Variants in ZBTB10 observed in about 807,000 individuals in gnomAD.
ZBTB10 encodes zinc finger and BTB domain containing 10.
A neutral mutation model predicts 76.4 loss-of-function variants in ZBTB10; 32 were observed. The observed-to-expected ratio is 0.42, with a 90% CI of 0.32 to 0.56. The LOEUF is 0.56. Ranked by LOEUF, ZBTB10 falls within the 20% of genes least tolerant of loss-of-function variation. The pLI, the probability that ZBTB10 is intolerant of heterozygous loss-of-function variation, is 0.14. For synonymous variants in ZBTB10, 523 were observed against 432.9 expected, an observed-to-expected ratio of 1.21 and a Z score of -2.58; for missense variants, 1,057 against 1,098.5, an observed-to-expected ratio of 0.96 and a Z score of 0.53.
intron 1 of ZBTB10, among the ~76,000 whole-genome samples, chr8:80,496,005 T>A (rs1034641132): frequency 6.6e-6 from 1 of 152,224 alleles, no homozygotes; most frequent in African/African-American, 2.4e-5. Flanking sequence ...TTTTCCTTTT[T>A]GGGAGAGAGG....
chr8:80,487,345 T>G lies in ZBTB10; in HGVS notation c.535T>G (p.Ser179Ala). Residue 179 changes from serine to alanine, a missense_variant, in exon 1 of 6, where the codon TCC becomes GCC. Coordinates refer to ENST00000455036, the MANE Select transcript of ZBTB10 (RefSeq NM_001105539.3). ...GAAGGAGTTGATGCAGGACGGCGCG[T>G]CCCTGAGCGACAGCACCGAGGACGA... is the stretch of plus-strand genomic sequence containing the variant. ...EGKELMQDGA[S>A]LSDSTEDEEE... is the part of the protein sequence containing the mutation. The G allele has an allele frequency of 6.5e-7, 1 of 1,530,264 alleles. No homozygotes were observed. The allele number at this position is 1,530,264 out of a possible 1,614,324, so 94.8% of individuals were successfully genotyped here.
Position 80,525,197 on chromosome 8 carries a change from G to T in ZBTB10, c.*5669G>T, listed in dbSNP as rs1816537135. 1 of 152,038 alleles carries T rather than the reference G, an allele frequency of 6.6e-6. No homozygotes were observed. Among genetic ancestry groups the T allele is most frequent in the East Asian group, 1.9e-4 (1 of 5,196 alleles). 9.4% of individuals were successfully genotyped at this position (152,038 alleles called of 1,614,324 possible). ...GCAGGTGTAGGAAATTGAATTATTG[G>T]ATCTATGTTTAGGTAAGAAAACTAA... On this transcript the variant is annotated 3_prime_UTR_variant, in exon 6 of 6. Transcript: ENST00000455036.
upstream of ZBTB10, chr8:80,485,932 G>A (rs903038610): frequency 6.6e-7 from 1 of 1,514,860 alleles, no homozygotes; most frequent in Non-Finnish European, 8.9e-7. Flanking sequence ...CTCGCCAGCT[G>A]TTTGTCCTCC....
chr8:80,517,274 A>G (rs767956955), intron 3 of ZBTB10, among the ~76,000 whole-genome samples: 1 of 152,202 alleles, frequency 6.6e-6, no homozygotes, highest in East Asian at 1.9e-4. Flanking sequence ...TTTGGTGGCT[A>G]CTGAAGACAG....
chr8:80,517,342 C>A (rs1244103230), intron 3 of ZBTB10, among the ~76,000 whole-genome samples: 1 of 152,130 alleles, frequency 6.6e-6, no homozygotes, highest in African/African-American at 2.4e-5. Flanking sequence ...GTGGAAGATT[C>A]TGGATATATA....
intron 2 of ZBTB10, among the ~76,000 whole-genome samples, chr8:80,504,691 C>T (rs1816007371): frequency 6.6e-6 from 1 of 152,070 alleles, no homozygotes; most frequent in Non-Finnish European, 1.5e-5. Flanking sequence ...AAACTGTCAG[C>T]AAAAACTAAA....
chr8:80,498,005 C>T (rs1263165829), intron 1 of ZBTB10, among the ~76,000 whole-genome samples: 2 of 152,090 alleles, frequency 1.3e-5, no homozygotes, highest in Admixed American at 1.3e-4. Context: ...ACTTCTCATA[C>T]CTGGGAGCAG....
chr8:80,493,195 G>GCGCGCGCGCA (rs1554551211), intron 1 of ZBTB10, among the ~76,000 whole-genome samples: 115 of 109,158 alleles, frequency 1.1e-3, no homozygotes, highest in Non-Finnish European at 1.1e-3. Flanking sequence ...GCCTCAAAAC[G>GCGCGCGCGCA]CGCGCGCGCG....
At chr8:80,504,907 A>T (rs1563462324) in intron 2 of ZBTB10, among the ~76,000 whole-genome samples, 1 of 152,230 alleles carries the variant, frequency 6.6e-6, no homozygotes. Context: ...GTATTCACAC[A>T]TGTTGTGTCC....
intron 5 of ZBTB10, 31 bp from the exon 6 acceptor site, chr8:80,519,192 C>A: frequency 6.3e-7 from 1 of 1,591,320 alleles, no homozygotes; most frequent in Non-Finnish European, 8.6e-7. Flanking sequence ...ATATAATATC[C>A]TTATATTGGA....
chr8:80,517,089 G>A (rs575421713), intron 3 of ZBTB10, among the ~76,000 whole-genome samples: 6 of 152,168 alleles, frequency 3.9e-5, no homozygotes, highest in Non-Finnish European at 5.9e-5. Flanking sequence ...GGGCTCCACC[G>A]GGTAAAGCTT....
Position 80,523,284 on chromosome 8 carries a change from A to G in ZBTB10, c.*3756A>G, listed in dbSNP as rs1258128744. 1 of 132,402 alleles carries G rather than the reference A, an allele frequency of 7.6e-6. No individual in the cohort carries two copies. The highest frequency in any genetic ancestry group is 1.5e-5 in the Non-Finnish European group (1 of 65,460). The allele number at this position is 132,402 out of a possible 1,614,324, so 8.2% of individuals were successfully genotyped here. ...CAACTCTTGTAGAATTTCAGCTCTT[A>G]ATGGAGTCTATGGATTATATTTTTC... On this transcript the variant is annotated 3_prime_UTR_variant, in exon 6 of 6. Coordinates refer to ENST00000455036, the MANE Select transcript of ZBTB10 (RefSeq NM_001105539.3).
chr8:80,503,788 T>G (rs1279638359), intron 2 of ZBTB10, among the ~76,000 whole-genome samples: 5 of 152,194 alleles, frequency 3.3e-5, no homozygotes, highest in African/African-American at 1.2e-4. Flanking sequence ...CCTCCCAAAG[T>G]GCTGGGAATA....
rs1334643742 is a variant in ZBTB10, at chr8:80,523,658, G to T, written c.*4130G>T. On this transcript the variant is annotated 3_prime_UTR_variant, in exon 6 of 6. Transcript: ENST00000455036. ...TGCTGTATCTCTGCTTTCAACTGAAGTTAAAGAATTCTAGATAGTTTAAAA... is the reference window on the plus strand; with the variant it reads ...TGCTGTATCTCTGCTTTCAACTGAATTTAAAGAATTCTAGATAGTTTAAAA... 2.0e-5 allele frequency: 3 copies of T among 151,430 alleles called. No homozygotes were observed. In the East Asian group the frequency reaches 5.8e-4, roughly 29 times the overall value. The allele number at this position is 151,430 out of a possible 1,614,324, so 9.4% of individuals were successfully genotyped here.
At position 80,500,076 on chromosome 8, in the gene ZBTB10, G is replaced by T; in HGVS notation, c.1555G>T (p.Asp519Tyr). The T allele has an allele frequency of 1.2e-6, 2 of 1,613,958 alleles. No homozygotes were observed. Among genetic ancestry groups the T allele is most frequent in the Non-Finnish European group, 1.7e-6 (2 of 1,179,874 alleles). Residue 519 changes from aspartate (D) to tyrosine (Y), a missense_variant, in exon 2 of 6, where the codon GAT becomes TAT. Asp to Tyr is a radical substitution (Grantham distance 160). This residue lies in a region of ZBTB10 where 306 missense variants were observed against 297.5 expected (regional missense o/e 1.03). Coordinates refer to ENST00000455036, the MANE Select transcript of ZBTB10 (RefSeq NM_001105539.3). Reference sequence around the variant, plus strand: ...GGCAAGTAATGTAAAGATTGAAAATGATGGTTGTAATGTCGACGAGGGCCA... The same window carrying T: ...GGCAAGTAATGTAAAGATTGAAAATTATGGTTGTAATGTCGACGAGGGCCA... ...NLASNVKIENDGCNVDEGQIE... is the reference protein window; with the variant it reads ...NLASNVKIENYGCNVDEGQIE...
At chr8:80,491,177 C>T (rs562058870) in intron 1 of ZBTB10, among the ~76,000 whole-genome samples, 2 of 152,288 alleles carry the variant, frequency 1.3e-5, no homozygotes, top group Admixed American at 1.3e-4. Flanking sequence ...ATGGTGAGTG[C>T]CCTATAAGGT....
In ZBTB10 at chr8:80,486,253, T is replaced by A; in HGVS notation, c.-558T>A. ...TTGCCATTCGACCTCCGCCAGGGCC[T>A]GGTCGGACGGAAACGCTCCGCCGGC... On this transcript the variant is annotated 5_prime_UTR_variant, in exon 1 of 6. Transcript: ENST00000455036. The A allele has an allele frequency of 9.8e-7, 1 of 1,023,476 alleles. No individual in the cohort carries two copies. Among genetic ancestry groups the A allele is most frequent in the Non-Finnish European group, 1.2e-6 (1 of 855,998 alleles). The allele number at this position is 1,023,476 out of a possible 1,614,324, so 63.4% of individuals were successfully genotyped here. A position where few individuals can be genotyped will look rare whatever the true frequency, so the allele number is the denominator to read the frequency against.
intron 1 of ZBTB10, among the ~76,000 whole-genome samples, chr8:80,492,502 TG>T (rs1276019313): frequency 2.0e-5 from 3 of 151,606 alleles, no homozygotes; most frequent in Non-Finnish European, 4.4e-5. Context: ...TTTTTTGAGA[TG>T]GGGTCTCACT....
chr8:80,488,969 A>AT (rs773466120), intron 1 of ZBTB10, among the ~76,000 whole-genome samples: 7 of 151,898 alleles, frequency 4.6e-5, no homozygotes, highest in Admixed American at 1.3e-4. Context: ...GCACAGGGTG[A>AT]TCCCCCGCCC....
Sources: allele counts gnomAD v4.1 joint callset (sites outside exome capture counted in the v4.1 genomes callset), GRCh38; gene constraint gnomAD v4.1.1; regional missense constraint gnomAD v4.1.1; transcripts MANE v1.5; gene names NCBI Gene and HGNC (gene_info 2026-07-23, HGNC 2026-07-21).